The following LONRF1 variants were observed in gnomAD, a reference collection of about 807,000 sequenced individuals.
LONRF1 encodes LON peptidase N-terminal domain and ring finger 1.
Under a neutral mutation model 85.8 loss-of-function variants are expected in LONRF1, and 37 were observed. The ratio of observed to expected loss-of-function variants is 0.43; its 90% CI spans 0.33 to 0.57. The LOEUF is 0.57. LONRF1 is among the 20% of genes least tolerant of loss of function. The pLI is 0.04. For synonymous variants in LONRF1, 517 were observed against 390.1 expected (o/e 1.33, Z -3.83); for missense variants, 1,036 against 978.0 (o/e 1.06, Z -0.79).
intron 8 of LONRF1, among the ~76,000 whole-genome samples, chr8:12,730,689 T>A (rs1016469138): frequency 1.3e-5 from 2 of 152,240 alleles, no homozygotes; most frequent in African/African-American, 4.8e-5. Context: ...GAAAGGTTCA[T>A]AATTGTCATA....
intron 11 of LONRF1, 121 bp downstream of exon 11, chr8:12,725,606 G>A (rs187219128): frequency 4.2e-5 from 38 of 900,150 alleles, no homozygotes; most frequent in Non-Finnish European, 5.3e-5. Flanking sequence ...GGGCTGGTGC[G>A]GGGGAGGGGA....
At chr8:12,749,950 C>T (rs543993560) in intron 1 of LONRF1, among the ~76,000 whole-genome samples, 3 of 152,092 alleles carry the variant, frequency 2.0e-5, no homozygotes, top group Non-Finnish European at 4.4e-5. Context: ...AAAACAATGC[C>T]TGGTATATAG....
At chr8:12,740,776 C>T in intron 3 of LONRF1, 98 bp downstream of exon 3, 1 of 1,407,318 alleles carries the variant, frequency 7.1e-7, no homozygotes, top group Non-Finnish European at 9.6e-7. Context: ...GATTTATTTA[C>T]TACTTATGTT....
In LONRF1 at chr8:12,726,025, C is replaced by T. The variant is rs552878064; in HGVS notation, c.2011-146G>A. 8.7e-6 allele frequency: 6 copies of T among 686,532 alleles called. No individual in the cohort carries two copies. In the East Asian group the frequency reaches 1.4e-4, roughly 16 times the overall value. 42.5% of individuals were successfully genotyped at this position (686,532 alleles called of 1,614,324 possible). On this transcript the variant is annotated intron_variant, in intron 10 of 11. Transcript: ENST00000398246. Reference sequence around the variant, plus strand: ...CGTCCCAGAGAGTATTATTCCTATGCTTTAATACACATTTCTGTCTCATAT... The same window carrying T: ...CGTCCCAGAGAGTATTATTCCTATGTTTTAATACACATTTCTGTCTCATAT...
chr8:12,735,224 C>A, intron 7 of LONRF1, 62 bp downstream of exon 7: 2 of 1,067,780 alleles, frequency 1.9e-6, no homozygotes, highest in Non-Finnish European at 2.8e-6. Flanking sequence ...TATGGCTGAA[C>A]AGAAATTAAA....
At chr8:12,734,471 T>C (rs1049663599) in intron 7 of LONRF1, among the ~76,000 whole-genome samples, 1 of 152,200 alleles carries the variant, frequency 6.6e-6, no homozygotes, top group Non-Finnish European at 1.5e-5. Context: ...CAATCAACGC[T>C]ACAAACTGCA....
In LONRF1 at chr8:12,736,902, C is replaced by T. The variant is rs1300215770; in HGVS notation, c.1352G>A (p.Gly451Glu). The change falls in exon 5 of 12, where the codon GGA (glycine) becomes GAA (glutamate). Residue 451 changes from glycine to glutamate, a missense_variant and splice_region_variant. Gly to Glu is a moderately conservative substitution (Grantham distance 98, BLOSUM62 -2). Coordinates refer to ENST00000398246, the MANE Select transcript of LONRF1 (RefSeq NM_152271.5). ...EDGRNKLKKQ[G>E]ETPNEVCMFS... ...TAAGTGTAGAGCAAAATTTTTACCT[C>T]CTTGTTTTTTCAGCTTATTTCTTCC... 7 of 1,604,860 alleles carry T rather than the reference C, an allele frequency of 4.4e-6. No homozygotes were observed. The highest frequency in any genetic ancestry group is 3.4e-6 in the Non-Finnish European group (4 of 1,176,114).
At chr8:12,726,831 C>CA (rs1322409239) in intron 10 of LONRF1, among the ~76,000 whole-genome samples, 1 of 151,996 alleles carries the variant, frequency 6.6e-6, no homozygotes, top group African/African-American at 2.4e-5. Flanking sequence ...ACACCAGAGA[C>CA]AAAAAAGCAA....
intron 3 of LONRF1, chr8:12,738,664 T>TG (rs1484654052): frequency 1.3e-5 from 2 of 152,222 alleles, no homozygotes; most frequent in Non-Finnish European, 2.9e-5. Flanking sequence ...GCCCAATACT[T>TG]GGTTAGAAGC....
At position 12,755,438 on chromosome 8, in the gene LONRF1, G is replaced by GCCGCCGCCGC. The variant is rs1444981536; in HGVS notation, c.-28_-19dup. The GCCGCCGCCGC allele has an allele frequency of 6.3e-6, 7 of 1,114,722 alleles. No homozygotes were observed. Among genetic ancestry groups the GCCGCCGCCGC allele is most frequent in the Middle Eastern group, 3.8e-4 (1 of 2,610 alleles). 69.1% of individuals were successfully genotyped at this position (1,114,722 alleles called of 1,614,324 possible). ...GAGGACATGGCCCGCGGAGGGCTGCGCCGCCGCCGCCCGCCGCCACGGTCC... is the reference window on the plus strand; with the variant it reads ...GAGGACATGGCCCGCGGAGGGCTGCGCCGCCGCCGCCCGCCGCCGCCCGCCGCCACGGTCC... On this transcript the variant is annotated 5_prime_UTR_variant, in exon 1 of 12. Transcript: ENST00000398246.
At chr8:12,738,401 A>G (rs929039667) in intron 3 of LONRF1, among the ~76,000 whole-genome samples, 1 of 152,196 alleles carries the variant, frequency 6.6e-6, no homozygotes, top group African/African-American at 2.4e-5. Context: ...GACTCAGGAT[A>G]AAGGCTGATC....
chr8:12,740,254 C>A (rs1798879232), intron 3 of LONRF1, among the ~76,000 whole-genome samples: 1 of 152,156 alleles, frequency 6.6e-6, no homozygotes, highest in Non-Finnish European at 1.5e-5. Context: ...ATAAGTCTTG[C>A]AAGAGCTGAG....
chr8:12,728,141 T>C (rs977915910), intron 10 of LONRF1, among the ~76,000 whole-genome samples: 2 of 152,236 alleles, frequency 1.3e-5, no homozygotes, highest in African/African-American at 2.4e-5. Flanking sequence ...ATAAGATCTA[T>C]GTTTTTATAA....
chr8:12,751,038 AAC>A (rs969524385), intron 1 of LONRF1, among the ~76,000 whole-genome samples: 39 of 152,170 alleles, frequency 2.6e-4, no homozygotes, highest in Admixed American at 1.3e-4. Flanking sequence ...AGGAAACCAA[AAC>A]ACAGATAGGT....
At chr8:12,747,415 T>C (rs992863138) in intron 1 of LONRF1, among the ~76,000 whole-genome samples, 2 of 152,226 alleles carry the variant, frequency 1.3e-5, no homozygotes, top group Non-Finnish European at 2.9e-5. Context: ...TGTTTACTCA[T>C]ACAATTTGAA....
intron 11 of LONRF1, among the ~76,000 whole-genome samples, chr8:12,725,371 G>A (rs913015129): frequency 5.9e-5 from 9 of 152,164 alleles, no homozygotes; most frequent in African/African-American, 1.7e-4. Flanking sequence ...AGCAACAGGC[G>A]ATGGGCTCAA....
intron 11 of LONRF1, among the ~76,000 whole-genome samples, chr8:12,725,193 C>T (rs910670061): frequency 2.0e-5 from 3 of 152,208 alleles, no homozygotes; most frequent in Middle Eastern, 6.8e-3. Context: ...CCCTAAGTAC[C>T]TGCAAGACTA....
At chr8:12,731,685 T>G in intron 8 of LONRF1, 51 bp downstream of exon 8, 1 of 1,521,122 alleles carries the variant, frequency 6.6e-7, no homozygotes. Flanking sequence ...AGGTTTTTCC[T>G]TACTATTAAA....
rs1426537441 is a variant in LONRF1, at chr8:12,735,404, A to AAC, written c.1452-5_1452-4insGT. 1 of 1,568,718 alleles carries AAC rather than the reference A, an allele frequency of 6.4e-7. No individual in the cohort carries two copies. The highest frequency in any genetic ancestry group is 1.1e-5 in the South Asian group (1 of 88,052). The stretch of plus-strand genomic sequence containing the variant: ...TGTTACTGGCTCAAAAAACAACCTG[A>AAC]AATCAACCAAGATACATGTTAGTTT... On this transcript the variant is annotated splice_polypyrimidine_tract_variant and splice_region_variant and intron_variant, in intron 6 of 11. Coordinates refer to ENST00000398246, the MANE Select transcript of LONRF1 (RefSeq NM_152271.5).
Sources: gnomAD v4.1 joint callset for allele counts (sites outside exome capture counted in the v4.1 genomes callset) on GRCh38, gnomAD v4.1.1 for gene constraint, MANE v1.5 for transcripts, NCBI Gene and HGNC (gene_info 2026-07-23, HGNC 2026-07-21) for gene names.